SND1: variants seen among roughly 807,000 people sequenced by gnomAD.
SND1 encodes the protein staphylococcal nuclease domain-containing protein 1.
A neutral mutation model predicts 121.7 loss-of-function variants in SND1; 38 were observed. That is an observed-to-expected ratio of 0.31 (90% confidence interval 0.24 to 0.41). The LOEUF (loss-of-function observed/expected upper bound fraction) is 0.41, where lower values mean the gene tolerates loss of function less well. SND1 is among the 10% of genes least tolerant of loss of function. SND1 has a pLI of 1.00. For synonymous variants in SND1, 401 were observed against 447.4 expected (o/e 0.90, Z 1.31); for missense variants, 868 against 1,184.6 (o/e 0.73, Z 3.92).
chr7:127,900,678 A>G (rs200258107), intron 13 of SND1, among the ~76,000 whole-genome samples: 3 of 152,196 alleles, frequency 2.0e-5, no homozygotes, highest in East Asian at 1.9e-4. Context: ...CTGTAGTACC[A>G]TACAGCCCTG....
chr7:127,844,335 G>A lies in SND1; in HGVS notation c.1254G>A (p.Thr418=), dbSNP rs751946216. Residue 418 remains threonine, a synonymous_variant, in exon 12 of 24, where the codon ACG becomes ACA. Transcript: ENST00000354725. ...KKLIGKKVNV[T]VDYIRPASPA... The stretch of plus-strand genomic sequence containing the variant: ...TTCTTTGTTTCCAGGTCAATGTGAC[G>A]GTGGACTACATTAGACCAGCCAGCC... The A allele has an allele frequency of 4.7e-5, 75 of 1,612,646 alleles. No homozygotes were observed. Among genetic ancestry groups the A allele is most frequent in the Non-Finnish European group, 5.3e-5 (62 of 1,179,334 alleles).
At chr7:127,864,635 C>T (rs1190055454) in intron 12 of SND1, among the ~76,000 whole-genome samples, 1 of 151,882 alleles carries the variant, frequency 6.6e-6, no homozygotes, top group Non-Finnish European at 1.5e-5. Context: ...TTTTTTCATT[C>T]TCGCCAGTTC....
chr7:127,663,152 G>A (rs903214822), intron 1 of SND1, among the ~76,000 whole-genome samples: 12 of 152,008 alleles, frequency 7.9e-5, no homozygotes, highest in African/African-American at 2.7e-4. Flanking sequence ...CTCCAAAAGT[G>A]CTGGAATTAC....
chr7:127,786,506 G>A (rs978694336), intron 10 of SND1, among the ~76,000 whole-genome samples: 1 of 152,146 alleles, frequency 6.6e-6, no homozygotes, highest in African/African-American at 2.4e-5. Flanking sequence ...TGGGGTAACA[G>A]CCCTCCCTTC....
intron 10 of SND1, among the ~76,000 whole-genome samples, chr7:127,781,526 A>G (rs185448157): frequency 6.2e-4 from 95 of 152,326 alleles, no homozygotes; most frequent in African/African-American, 2.1e-3. Context: ...GGCAGAGACA[A>G]TAGCAGTGCT....
intron 11 of SND1, among the ~76,000 whole-genome samples, chr7:127,827,075 G>C (rs374195889): frequency 3.3e-5 from 5 of 152,194 alleles, no homozygotes; most frequent in African/African-American, 9.7e-5. Flanking sequence ...TCGCACTTCA[G>C]ATATTATTCT....
At chr7:127,878,767 A>C (rs1233251812) in intron 12 of SND1, among the ~76,000 whole-genome samples, 2 of 152,158 alleles carry the variant, frequency 1.3e-5, no homozygotes, top group Non-Finnish European at 2.9e-5. Context: ...TTTTAGAACT[A>C]CATAAGTTTA....
At chr7:127,682,938 C>T (rs79707236) in intron 1 of SND1, among the ~76,000 whole-genome samples, 2,467 of 152,288 alleles carry the variant, frequency 0.016, 34 homozygotes, top group Middle Eastern at 0.034. Context: ...AGAAGAAAAA[C>T]GGCTTGTTTT....
chr7:127,985,622 AC>A (rs1484438344), intron 15 of SND1, among the ~76,000 whole-genome samples: 1 of 152,226 alleles, frequency 6.6e-6, no homozygotes, highest in Admixed American at 6.5e-5. Context: ...CCAATAACAT[AC>A]CTTTTACAAT....
chr7:128,023,712 G>C (rs991424155), intron 16 of SND1, among the ~76,000 whole-genome samples: 9 of 152,180 alleles, frequency 5.9e-5, no homozygotes, highest in Non-Finnish European at 1.3e-4. Flanking sequence ...CAATAGGCAT[G>C]TCTCTCTTTG....
intron 1 of SND1, among the ~76,000 whole-genome samples, chr7:127,673,849 C>G (rs981616381): frequency 7.2e-5 from 11 of 151,962 alleles, no homozygotes; most frequent in African/African-American, 2.4e-4. Flanking sequence ...TGTTATGTCC[C>G]CATTATTTGA....
At chr7:127,898,900 G>A (rs1800170114) in intron 13 of SND1, among the ~76,000 whole-genome samples, 1 of 152,108 alleles carries the variant, frequency 6.6e-6, no homozygotes, top group African/African-American at 2.4e-5. Context: ...GTCTTTAGCT[G>A]CTTCTGCCCT....
chr7:128,070,539 A>C (rs913323966), intron 16 of SND1, among the ~76,000 whole-genome samples: 30 of 152,318 alleles, frequency 2.0e-4, no homozygotes, highest in African/African-American at 7.2e-4. Flanking sequence ...GAAACACTCC[A>C]AGATGCCCAA....
rs1474046507 is a variant in SND1, at chr7:127,908,529, A to G, written c.1527+3710A>G. Among the ~76,000 whole-genome samples the G allele has an allele frequency of 2.6e-5, 4 of 152,270 alleles. No homozygotes were observed. In the East Asian group the frequency reaches 7.7e-4, roughly 29 times the overall value. On this transcript the variant is annotated intron_variant, in intron 14 of 23. Transcript: ENST00000354725. ...AACTGGGCTATTAGAAGTACCAGCCACTGCTGCCATTTCTATCATAGTCTA... is the reference window on the plus strand; with the variant it reads ...AACTGGGCTATTAGAAGTACCAGCCGCTGCTGCCATTTCTATCATAGTCTA...
intron 12 of SND1, among the ~76,000 whole-genome samples, chr7:127,851,318 T>C (rs1309279428): frequency 6.6e-6 from 1 of 152,242 alleles, no homozygotes; most frequent in Admixed American, 6.5e-5. Context: ...TCCCAAAGTG[T>C]ACCATGGAGA....
At chr7:127,686,426 G>C (rs1377006024) in intron 1 of SND1, among the ~76,000 whole-genome samples, 187 bp from the exon 2 acceptor site, 1 of 152,130 alleles carries the variant, frequency 6.6e-6, no homozygotes, top group Non-Finnish European at 1.5e-5. Flanking sequence ...TTGGCCCCAG[G>C]CTTTATGTAG....
At chr7:127,880,534 T>C (rs752115475) in intron 12 of SND1, among the ~76,000 whole-genome samples, 6 of 152,186 alleles carry the variant, frequency 3.9e-5, no homozygotes, top group Non-Finnish European at 8.8e-5. Context: ...ATTCTGAATA[T>C]GTGCCCACAT....
At chr7:127,918,345 C>T (rs576091603) in intron 14 of SND1, among the ~76,000 whole-genome samples, 16 of 152,136 alleles carry the variant, frequency 1.1e-4, no homozygotes, top group South Asian at 4.1e-4. Context: ...AGATTACAGG[C>T]GTGAGTCACC....
intron 16 of SND1, among the ~76,000 whole-genome samples, chr7:128,002,986 C>T (rs1431591220): frequency 6.6e-6 from 1 of 152,142 alleles, no homozygotes. Context: ...ACTTTGGAGG[C>T]CGAGGCAGGG....
Sources: gnomAD v4.1 joint callset for allele counts (sites outside exome capture counted in the v4.1 genomes callset) on GRCh38, gnomAD v4.1.1 for gene constraint, MANE v1.5 for transcripts, NCBI Gene and HGNC (gene_info 2026-07-23, HGNC 2026-07-21) for gene names.